The following CRTAM variants were observed in gnomAD, a reference collection of about 807,000 sequenced individuals.
CRTAM encodes cytotoxic and regulatory T-cell molecule.
In CRTAM, 44 loss-of-function variants were observed where a neutral mutation model predicts 50.0. The ratio of observed to expected loss-of-function variants is 0.88; its 90% CI spans 0.69 to 1.13. The LOEUF is 1.13. Ranked by LOEUF, CRTAM falls within the 50% of genes most tolerant of loss-of-function variation. CRTAM has a pLI of 0.00. For synonymous variants in CRTAM, 159 were observed against 169.3 expected, an observed-to-expected ratio of 0.94 and a Z score of 0.47; for missense variants, 448 against 457.5, an observed-to-expected ratio of 0.98 and a Z score of 0.19.
intron 5 of CRTAM, among the ~76,000 whole-genome samples, chr11:122,861,352 A>G (rs1862071682): frequency 7.2e-6 from 1 of 138,854 alleles, no homozygotes; most frequent in African/African-American, 2.6e-5. Context: ...GTGTCAGTAT[A>G]TATATATATA....
rs551538712 is a variant in CRTAM, at chr11:122,855,842, G to A, written c.638G>A (p.Arg213Gln). ...LQGRKLVAPF[R>Q]FEDLVTDEET... is the part of the protein sequence containing the mutation. Reference sequence around the variant, plus strand: ...GGGAGAAAACTAGTAGCACCCTTCCGGTTTGAAGATTTGGGTAAGAAGAAC... The same window carrying A: ...GGGAGAAAACTAGTAGCACCCTTCCAGTTTGAAGATTTGGGTAAGAAGAAC... Residue 213 changes from arginine to glutamine, a missense_variant, in exon 5 of 10, where the codon CGG (arginine) becomes CAG (glutamine). Coordinates refer to ENST00000227348, the MANE Select transcript of CRTAM (RefSeq NM_019604.4). 36 of 1,611,660 alleles carry A rather than the reference G, an allele frequency of 2.2e-5. No individual in the cohort carries two copies. Among genetic ancestry groups the A allele is most frequent in the East Asian group, 8.9e-5 (4 of 44,848 alleles).
chr11:122,851,804 G>A lies in CRTAM; in HGVS notation c.305G>A (p.Ser102Asn), dbSNP rs1050512131. The A allele has an allele frequency of 1.2e-6, 2 of 1,614,200 alleles. No homozygotes were observed. Among genetic ancestry groups the A allele is most frequent in the East Asian group, 4.5e-5 (2 of 44,888 alleles). The change falls in exon 3 of 10, where the codon AGC becomes AAC. Residue 102 changes from serine to asparagine, a missense_variant. Ser to Asn is a conservative substitution (Grantham distance 46, BLOSUM62 1). Coordinates refer to ENST00000227348, the MANE Select transcript of CRTAM (RefSeq NM_019604.4). ...GGCGTGTACAAGTGCTTACATTACA[G>A]CGACTCTGTAAGCACAAAGGAAGTG... Reference protein sequence around the residue: ...DEGVYKCLHYSDSVSTKEVKV... With the variant: ...DEGVYKCLHYNDSVSTKEVKV...
chr11:122,860,022 C>T (rs1213686627), intron 5 of CRTAM, among the ~76,000 whole-genome samples: 1 of 152,168 alleles, frequency 6.6e-6, no homozygotes, highest in African/African-American at 2.4e-5. Context: ...GAAATTTGAA[C>T]TTTAAGTGTG....
chr11:122,846,640 G>C (rs200945925), intron 1 of CRTAM, among the ~76,000 whole-genome samples: 4 of 149,740 alleles, frequency 2.7e-5, no homozygotes, highest in South Asian at 2.1e-4. Context: ...CTGTCTGTCT[G>C]TCTCTCTCTG....
At chr11:122,849,746 A>G (rs1178329551) in intron 1 of CRTAM, among the ~76,000 whole-genome samples, 1 of 152,038 alleles carries the variant, frequency 6.6e-6, no homozygotes, top group Non-Finnish European at 1.5e-5. Context: ...TAAATTCAAT[A>G]CAGGTAAATG....
intron 1 of CRTAM, among the ~76,000 whole-genome samples, chr11:122,849,136 T>C (rs1357328056): frequency 6.6e-6 from 1 of 152,188 alleles, no homozygotes; most frequent in Non-Finnish European, 1.5e-5. Context: ...CTCAGCCACT[T>C]GCCCTGAAGG....
chr11:122,838,990 A>C (rs1861767097), intron 1 of CRTAM, among the ~76,000 whole-genome samples: 1 of 152,146 alleles, frequency 6.6e-6, no homozygotes, highest in Non-Finnish European at 1.5e-5. Context: ...GTGCAGCGGC[A>C]CGACCTCGGC....
At chr11:122,853,851 A>T (rs1210461226) in intron 3 of CRTAM, 92 bp from the exon 4 acceptor site, 2 of 1,249,834 alleles carry the variant, frequency 1.6e-6, no homozygotes. Flanking sequence ...AGTATACCCT[A>T]TAACAATCAC....
At position 122,867,439 on chromosome 11, in the gene CRTAM, G is replaced by A; in HGVS notation, c.848G>A (p.Arg283Lys). ...EANPQYLGLA[R>K]KKSGILLLTL... ...AATCCTCAGTATTTAGGACTGGCAA[G>A]AAAGAAAAGTGGCATCCTGCTGCTC... The change falls in exon 8 of 10, where the codon AGA becomes AAA. Residue 283 changes from arginine to lysine, a missense_variant. By Grantham distance (26) the Arg-to-Lys change is conservative. Transcript: ENST00000227348. The A allele has an allele frequency of 6.2e-7, 1 of 1,613,444 alleles. No homozygotes were observed. The highest frequency in any genetic ancestry group is 8.5e-7 in the Non-Finnish European group (1 of 1,179,900).
Position 122,841,642 on chromosome 11 carries a change from C to T in CRTAM, c.46+3050C>T, listed in dbSNP as rs780910473. ...GTCTCGATCTCCTGATCTCATGATC[C>T]GCCTGCCTCAGCCTTCCAAAGTGCT... On this transcript the variant is annotated intron_variant, in intron 1 of 9. Transcript: ENST00000227348. Among the ~76,000 whole-genome samples the T allele has an allele frequency of 2.6e-5, 4 of 152,136 alleles. No homozygotes were observed. In the South Asian group the frequency reaches 8.3e-4, roughly 32 times the overall value.
At position 122,855,688 on chromosome 11, in the gene CRTAM, T is replaced by C; in HGVS notation, c.491-7T>C. ...AATAGCCATAACCTCTTCAAATTGC[T>C]ACATAGGTGGAACGCTCCATGAATT... On this transcript the variant is annotated splice_region_variant and splice_polypyrimidine_tract_variant and intron_variant, in intron 4 of 9. Transcript: ENST00000227348. 6.2e-7 allele frequency: 1 copy of C among 1,613,772 alleles called. No individual in the cohort carries two copies. Among genetic ancestry groups the C allele is most frequent in the African/African-American group, 1.3e-5 (1 of 75,050 alleles).
chr11:122,853,918 C>T (rs1298777049), intron 3 of CRTAM, 25 bp from the exon 4 acceptor site: 14 of 1,610,644 alleles, frequency 8.7e-6, no homozygotes, highest in Non-Finnish European at 1.2e-5. Context: ...ATCTAATTAA[C>T]ACAGAAAAAT....
chr11:122,849,872 G>T (rs1415918060), intron 1 of CRTAM, among the ~76,000 whole-genome samples, 196 bp from the exon 2 acceptor site: 6 of 151,980 alleles, frequency 3.9e-5, no homozygotes, highest in Non-Finnish European at 7.4e-5. Flanking sequence ...CTGATTCCAG[G>T]GTCCCCTTCT....
intron 4 of CRTAM, 136 bp from the exon 5 acceptor site, chr11:122,855,559 T>A: frequency 1.5e-6 from 1 of 674,700 alleles, no homozygotes; most frequent in South Asian, 2.1e-5. Context: ...ACCAAGCCTA[T>A]ACAAGGGAAC....
intron 5 of CRTAM, among the ~76,000 whole-genome samples, chr11:122,859,523 G>A (rs970443444): frequency 5.3e-5 from 8 of 152,020 alleles, no homozygotes; most frequent in Admixed American, 3.3e-4. Flanking sequence ...CTAGCTTAAC[G>A]GAAAACAATT....
At chr11:122,862,399 A>G (rs758755606) in intron 5 of CRTAM, 65 bp from the exon 6 acceptor site, 6 of 993,674 alleles carry the variant, frequency 6.0e-6, no homozygotes, top group East Asian at 2.4e-5. Flanking sequence ...AATCTCTTTT[A>G]CTGAGCACAA....
intron 1 of CRTAM, among the ~76,000 whole-genome samples, chr11:122,848,232 G>A (rs1861889863): frequency 2.0e-5 from 3 of 152,130 alleles, no homozygotes; most frequent in Admixed American, 6.5e-5. Flanking sequence ...TCTTAATATG[G>A]ATGTCATGAG....
chr11:122,868,214 GT>G, intron 9 of CRTAM, 115 bp downstream of exon 9: 1 of 612,992 alleles, frequency 1.6e-6, no homozygotes, highest in South Asian at 2.1e-5. Flanking sequence ...GTGTGTGTGT[GT>G]GTGTGTGTGT....
At chr11:122,869,763 G>A (rs1862230832) in intron 9 of CRTAM, among the ~76,000 whole-genome samples, 1 of 152,280 alleles carries the variant, frequency 6.6e-6, no homozygotes, top group South Asian at 2.1e-4. Context: ...TGACCTACTA[G>A]AGCGTGAACT....
Sources: gnomAD v4.1 joint callset for allele counts (sites outside exome capture counted in the v4.1 genomes callset) on GRCh38, gnomAD v4.1.1 for gene constraint, MANE v1.5 for transcripts, NCBI Gene and HGNC (gene_info 2026-07-23, HGNC 2026-07-21) for gene names.